LRP1B: variants seen among roughly 807,000 people sequenced by gnomAD.
LRP1B encodes the protein low-density lipoprotein receptor-related protein 1B.
In LRP1B, 217 loss-of-function variants were observed where a neutral mutation model predicts 556.6. The observed-to-expected ratio is 0.39, with a 90% CI of 0.35 to 0.44. LRP1B has a LOEUF of 0.44. Among genes scored for constraint, LRP1B ranks in the 20% least tolerant of loss-of-function variants. The pLI is 1.00. For synonymous variants in LRP1B, 2,047 were observed against 1,865.8 expected, an observed-to-expected ratio of 1.10 and a Z score of -2.50; for missense variants, 5,053 against 5,620.8, an observed-to-expected ratio of 0.90 and a Z score of 3.23.
chr2:140,976,642 G>C (rs572689934), intron 18 of LRP1B, among the ~76,000 whole-genome samples: 10 of 151,172 alleles, frequency 6.6e-5, no homozygotes, highest in African/African-American at 2.4e-4. Flanking sequence ...TGAGTAGCTG[G>C]GATTACAGGC....
chr2:140,591,253 T>A (rs1302777736), intron 43 of LRP1B, among the ~76,000 whole-genome samples: 2 of 152,222 alleles, frequency 1.3e-5, no homozygotes, highest in Non-Finnish European at 2.9e-5. Flanking sequence ...TGGGCTTTTT[T>A]ATAATATACT....
chr2:140,301,931 A>G (rs10204667), intron 83 of LRP1B, among the ~76,000 whole-genome samples: 46,687 of 151,614 alleles, frequency 0.31, 8,019 homozygotes, highest in Non-Finnish European at 0.4. Context: ...ACATATATAC[A>G]TATACACATA....
intron 1 of LRP1B, among the ~76,000 whole-genome samples, chr2:142,036,850 T>C (rs1703899459): frequency 6.6e-6 from 1 of 151,660 alleles, no homozygotes; most frequent in South Asian, 2.1e-4. Flanking sequence ...GTTTTCCTAA[T>C]AAAAGGCAAA....
At chr2:141,295,163 T>A (rs914449337) in intron 3 of LRP1B, among the ~76,000 whole-genome samples, 1 of 152,166 alleles carries the variant, frequency 6.6e-6, no homozygotes, top group African/African-American at 2.4e-5. Context: ...ATAATTAATG[T>A]TATTTATATA....
chr2:142,119,584 A>G (rs1186414979), intron 1 of LRP1B, among the ~76,000 whole-genome samples: 2 of 152,224 alleles, frequency 1.3e-5, no homozygotes, highest in Non-Finnish European at 2.9e-5. Context: ...ACAAAATCCC[A>G]AAACAATCTT....
chr2:141,604,830 T>G (rs1687857445), intron 2 of LRP1B, among the ~76,000 whole-genome samples: 1 of 152,092 alleles, frequency 6.6e-6, no homozygotes, highest in Non-Finnish European at 1.5e-5. Flanking sequence ...AGTAAAATTC[T>G]TCCCCATCCT....
At chr2:141,338,443 C>T (rs1375821163) in intron 3 of LRP1B, among the ~76,000 whole-genome samples, 2 of 152,246 alleles carry the variant, frequency 1.3e-5, no homozygotes, top group East Asian at 1.9e-4. Context: ...GCATTGAGGT[C>T]AGGTCAGGGG....
intron 32 of LRP1B, among the ~76,000 whole-genome samples, chr2:140,794,284 G>C (rs1690222090): frequency 6.6e-6 from 1 of 151,898 alleles, no homozygotes; most frequent in South Asian, 2.1e-4. Flanking sequence ...GAATACATAG[G>C]TAATTACCTA....
At chr2:141,791,319 A>G (rs1379125654) in intron 2 of LRP1B, among the ~76,000 whole-genome samples, 1 of 152,002 alleles carries the variant, frequency 6.6e-6, no homozygotes, top group African/African-American at 2.4e-5. Flanking sequence ...AAAGACAAAA[A>G]CTGAAAAACC....
chr2:141,307,618 T>G (rs1686642103), intron 3 of LRP1B, among the ~76,000 whole-genome samples: 1 of 152,154 alleles, frequency 6.6e-6, no homozygotes, highest in Non-Finnish European at 1.5e-5. Flanking sequence ...CATCCAAGGT[T>G]AGGATGCAGT....
chr2:141,029,556 G>C (rs1002626525), intron 11 of LRP1B, among the ~76,000 whole-genome samples: 27 of 152,266 alleles, frequency 1.8e-4, no homozygotes, highest in African/African-American at 5.1e-4. Context: ...CTTGCTGTTT[G>C]CATAATGCCG....
At chr2:140,441,137 G>A (rs1176370108) in intron 66 of LRP1B, among the ~76,000 whole-genome samples, 1 of 152,048 alleles carries the variant, frequency 6.6e-6, no homozygotes. Context: ...TAGGGTGATT[G>A]ATAATAATCT....
At chr2:141,145,988 A>T (rs561321416) in intron 7 of LRP1B, among the ~76,000 whole-genome samples, 11 of 136,262 alleles carry the variant, frequency 8.1e-5, no homozygotes, top group Non-Finnish European at 1.5e-4. Context: ...GTAGTGGTGC[A>T]ATCTCAGCTC....
chr2:141,467,153 C>G (rs1331209422), intron 3 of LRP1B, among the ~76,000 whole-genome samples: 1 of 137,542 alleles, frequency 7.3e-6, no homozygotes, highest in African/African-American at 3.0e-5. Context: ...TATATATATC[C>G]TCTCAGGTGT....
intron 3 of LRP1B, among the ~76,000 whole-genome samples, chr2:141,430,949 G>C (rs1169963874): frequency 1.3e-5 from 2 of 151,894 alleles, no homozygotes; most frequent in Admixed American, 6.6e-5. Context: ...GGTCAACATA[G>C]TGAGATCTGG....
chr2:142,050,812 C>A (rs1051115300), intron 1 of LRP1B, among the ~76,000 whole-genome samples: 1 of 152,058 alleles, frequency 6.6e-6, no homozygotes, highest in African/African-American at 2.4e-5. Context: ...AACTCCTTTC[C>A]CAACTAAATT....
intron 66 of LRP1B, among the ~76,000 whole-genome samples, chr2:140,423,291 G>T (rs1486494476): frequency 6.6e-6 from 1 of 151,952 alleles, no homozygotes; most frequent in African/African-American, 2.4e-5. Flanking sequence ...ACATTTAACT[G>T]TATCTCCCCC....
chr2:140,733,118 A>C (rs1687832495), intron 35 of LRP1B, among the ~76,000 whole-genome samples: 1 of 152,148 alleles, frequency 6.6e-6, no homozygotes, highest in Non-Finnish European at 1.5e-5. Context: ...ATTGGATAGG[A>C]GTCTACAAAA....
chr2:141,729,324 G>A (rs1248425686), intron 2 of LRP1B, among the ~76,000 whole-genome samples: 1 of 151,650 alleles, frequency 6.6e-6, no homozygotes, highest in Admixed American at 6.6e-5. Flanking sequence ...TTAGTCTTTG[G>A]ACGTTATTTT....
Sources: gnomAD v4.1 joint callset for allele counts (sites outside exome capture counted in the v4.1 genomes callset) on GRCh38, gnomAD v4.1.1 for gene constraint, MANE v1.5 for transcripts, NCBI Gene and HGNC (gene_info 2026-07-23, HGNC 2026-07-21) for gene names.